The following SERBP1 variants were observed in gnomAD, a reference collection of about 807,000 sequenced individuals.
The protein encoded by SERBP1 is SERPINE1 mRNA binding protein 1.
SERBP1 carries 6 observed loss-of-function variants against 50.2 expected under a neutral mutation model. The observed-to-expected ratio is 0.12, with a 90% confidence interval of 0.07 to 0.24. The LOEUF (loss-of-function observed/expected upper bound fraction) is 0.24. Among genes scored for constraint, SERBP1 ranks in the 10% least tolerant of loss-of-function variants. The probability of loss-of-function intolerance (pLI) is 1.00; values close to 1 mark genes in which losing one functional copy is unlikely to be tolerated. For missense variants in SERBP1, 346 were observed against 524.9 expected (o/e 0.66, Z 3.33); for synonymous variants, 168 against 182.8 (o/e 0.92, Z 0.65).
chr1:67,425,015 A>G, intron 3 of SERBP1, 38 bp from the exon 4 acceptor site: 6 of 1,602,458 alleles, frequency 3.7e-6, no homozygotes, highest in Non-Finnish European at 5.1e-6. Flanking sequence ...CTTTAGTTCT[A>G]GAAATTCAAA....
In SERBP1 at chr1:67,411,581, C is replaced by CTCCT. The variant is rs1401099676; in HGVS notation, c.*1622_*1625dup. On this transcript the variant is annotated 3_prime_UTR_variant, in exon 8 of 8. Coordinates refer to ENST00000361219, the MANE Select transcript of SERBP1 (RefSeq NM_001018069.2). ...TTTATCCATCATTAAAAACAATTAC[C>CTCCT]TCCTTCCTAAAATGTCAGAATAGTA... The CTCCT allele has an allele frequency of 6.6e-6, 1 of 152,130 alleles. No individual in the cohort carries two copies. Among genetic ancestry groups the CTCCT allele is most frequent in the Non-Finnish European group, 1.5e-5 (1 of 68,000 alleles). The allele number at this position is 152,130 out of a possible 1,614,324, so 9.4% of individuals were successfully genotyped here. A position where few individuals can be genotyped will look rare whatever the true frequency, so the allele number is the denominator to read the frequency against.
At chr1:67,413,343 G>T in intron 7 of SERBP1, 80 bp from the exon 8 acceptor site, 1 of 1,289,436 alleles carries the variant, frequency 7.8e-7, no homozygotes, top group Non-Finnish European at 1.0e-6. Flanking sequence ...CATTAAGACA[G>T]AACTCTAAAA....
At chr1:67,424,758 CAT>C (rs1172772834) in intron 4 of SERBP1, 128 bp downstream of exon 4, 1 of 715,466 alleles carries the variant, frequency 1.4e-6, no homozygotes, top group African/African-American at 1.8e-5. Flanking sequence ...TCCCATAAGA[CAT>C]TATCTTGTAA....
intron 1 of SERBP1, among the ~76,000 whole-genome samples, chr1:67,428,327 A>G (rs907604229): frequency 1.3e-5 from 2 of 152,238 alleles, no homozygotes; most frequent in Non-Finnish European, 2.9e-5. Flanking sequence ...TTAAAATACT[A>G]CTTTTCAGGT....
At chr1:67,428,215 C>A (rs1040677751) in intron 1 of SERBP1, among the ~76,000 whole-genome samples, 20 of 152,168 alleles carry the variant, frequency 1.3e-4, no homozygotes, top group Admixed American at 1.3e-3. Flanking sequence ...AAGGAAAATG[C>A]TGATTGCTAA....
intron 6 of SERBP1, among the ~76,000 whole-genome samples, chr1:67,418,057 C>A (rs148469421): frequency 7.4e-6 from 1 of 134,650 alleles, no homozygotes; most frequent in African/African-American, 2.7e-5. Flanking sequence ...CTCACTGCAA[C>A]CTCTGCCTCC....
At chr1:67,422,699 C>A (rs538355277) in intron 5 of SERBP1, among the ~76,000 whole-genome samples, 1 of 152,178 alleles carries the variant, frequency 6.6e-6, no homozygotes, top group East Asian at 1.9e-4. Context: ...GTGGCTCATG[C>A]CCGTAATCCC....
At position 67,424,355 on chromosome 1, in the gene SERBP1, G is replaced by A. The variant is rs370970128; in HGVS notation, c.696-78C>T. 2.8e-4 allele frequency: 443 copies of A among 1,561,650 alleles called. 1 individual carries two copies. The Middle Eastern group carries it at 3.8e-3, about 13-fold the overall frequency. On this transcript the variant is annotated intron_variant, in intron 4 of 7. Transcript: ENST00000361219. ...AAGAAAGAAAAAGAAAGGCATCTAG[G>A]TCCATTTACATGTAGCTGAAAAGTT...
Position 67,409,629 on chromosome 1 carries a change from C to G in SERBP1, c.*3578G>C, listed in dbSNP as rs1183708120. The G allele has an allele frequency of 6.6e-6, 1 of 152,058 alleles. No homozygotes were observed. Among genetic ancestry groups the G allele is most frequent in the Non-Finnish European group, 1.5e-5 (1 of 68,026 alleles). The allele number at this position is 152,058 out of a possible 1,614,324, so 9.4% of individuals were successfully genotyped here. On this transcript the variant is annotated 3_prime_UTR_variant, in exon 8 of 8. Transcript: ENST00000361219. ...TGTTTTCACTATATTCTTGAAATTACCGACTTCCTCAGCCTGAAAGATTTA... is the reference window on the plus strand; with the variant it reads ...TGTTTTCACTATATTCTTGAAATTAGCGACTTCCTCAGCCTGAAAGATTTA...
chr1:67,429,286 G>A (rs1428192406), intron 1 of SERBP1: 1 of 152,192 alleles, frequency 6.6e-6, no homozygotes, highest in Non-Finnish European at 1.5e-5. Context: ...GCAATCACCA[G>A]TCTTCATTCA....
At position 67,430,324 on chromosome 1, in the gene SERBP1, C is replaced by A; in HGVS notation, c.-24G>T. 6.7e-7 allele frequency: 1 copy of A among 1,493,652 alleles called. No homozygotes were observed. The highest frequency in any genetic ancestry group is 1.4e-5 in the South Asian group (1 of 73,178). 92.5% of individuals were successfully genotyped at this position (1,493,652 alleles called of 1,614,324 possible). On this transcript the variant is annotated 5_prime_UTR_variant, in exon 1 of 8. In the 5' UTR this introduces an upstream ATG that the reference lacks. Transcript: ENST00000361219. Reference sequence around the variant, plus strand: ...ATGATGGTGGCTCGGCGGCGCGTTCCTCCACGGATTGCAGCGGGCCGCGCC... The same window carrying A: ...ATGATGGTGGCTCGGCGGCGCGTTCATCCACGGATTGCAGCGGGCCGCGCC...
chr1:67,427,802 C>A (rs996301239), intron 1 of SERBP1, among the ~76,000 whole-genome samples: 1 of 152,172 alleles, frequency 6.6e-6, no homozygotes, highest in Non-Finnish European at 1.5e-5. Context: ...ATGCAAGCTT[C>A]TTTTGATATA....
chr1:67,413,872 T>C (rs547303046), intron 7 of SERBP1, among the ~76,000 whole-genome samples: 1 of 152,138 alleles, frequency 6.6e-6, no homozygotes, highest in East Asian at 1.9e-4. Context: ...AGTAACATAA[T>C]CTCAGTTCAC....
chr1:67,429,783 A>C, intron 1 of SERBP1: 1 of 557,672 alleles, frequency 1.8e-6, no homozygotes, highest in South Asian at 2.4e-5. Flanking sequence ...TGGCTCCGAG[A>C]ACCTCGCCGG....
At position 67,409,900 on chromosome 1, in the gene SERBP1, T is replaced by C. The variant is rs1203888311; in HGVS notation, c.*3307A>G. The C allele has an allele frequency of 3.9e-5, 6 of 152,230 alleles. No individual in the cohort carries two copies. The highest frequency in any genetic ancestry group is 5.9e-5 in the Non-Finnish European group (4 of 68,040). 9.4% of individuals were successfully genotyped at this position (152,230 alleles called of 1,614,324 possible). ...ATGCCATACAAAGCACAGTAAATAATGAAGTTTCTGGGCTTTTCTTAGTTA... is the reference window on the plus strand; with the variant it reads ...ATGCCATACAAAGCACAGTAAATAACGAAGTTTCTGGGCTTTTCTTAGTTA... On this transcript the variant is annotated 3_prime_UTR_variant, in exon 8 of 8. Transcript: ENST00000361219.
At chr1:67,424,121 A>C (rs1667293365) in intron 5 of SERBP1, 79 bp downstream of exon 5, 2 of 1,428,664 alleles carry the variant, frequency 1.4e-6, no homozygotes. Context: ...TAACAGCATT[A>C]AATCTATGGG....
intron 1 of SERBP1, among the ~76,000 whole-genome samples, chr1:67,427,402 G>A (rs1454651617): frequency 1.3e-5 from 2 of 152,160 alleles, no homozygotes; most frequent in Non-Finnish European, 2.9e-5. Flanking sequence ...AAGTCATAAA[G>A]CAGCTGAGGA....
At chr1:67,414,659 C>T in intron 7 of SERBP1, among the ~76,000 whole-genome samples, 1 of 152,108 alleles carries the variant, frequency 6.6e-6, no homozygotes, top group East Asian at 1.9e-4. Context: ...AAATGAATCC[C>T]AGCTCTCACA....
At chr1:67,415,436 C>T (rs1306715848) in intron 6 of SERBP1, 97 bp from the exon 7 acceptor site, 3 of 1,227,470 alleles carry the variant, frequency 2.4e-6, no homozygotes, top group South Asian at 1.7e-5. Flanking sequence ...ACCAAAAATC[C>T]AAACTGTACT....
Sources: allele counts gnomAD v4.1 joint callset (sites outside exome capture counted in the v4.1 genomes callset), GRCh38; gene constraint gnomAD v4.1.1; transcripts MANE v1.5; gene names NCBI Gene and HGNC (gene_info 2026-07-23, HGNC 2026-07-21).